The following QPCT variants were observed in gnomAD, a reference collection of about 807,000 sequenced individuals.
The protein encoded by QPCT is EC.
A neutral mutation model predicts 43.4 loss-of-function variants in QPCT; 44 were observed. That is an observed-to-expected ratio of 1.01 (90% CI 0.80 to 1.30). The LOEUF (loss-of-function observed/expected upper bound fraction) is 1.30, where lower values mean the gene tolerates loss of function less well. Among genes scored for constraint, QPCT ranks in the 50% most tolerant of loss-of-function variants. The pLI is 0.00. For missense variants in QPCT, 526 were observed against 436.5 expected (o/e 1.21, Z -1.83); for synonymous variants, 168 against 168.4 (o/e 1.00, Z 0.02).
At chr2:37,370,783 G>A (rs1673056505) in intron 5 of QPCT, among the ~76,000 whole-genome samples, 1 of 152,094 alleles carries the variant, frequency 6.6e-6, no homozygotes, top group Non-Finnish European at 1.5e-5. Context: ...AGAAAGAAAA[G>A]GAGAATAACT....
chr2:37,372,557 A>C, intron 6 of QPCT, 85 bp downstream of exon 6: 3 of 1,466,016 alleles, frequency 2.0e-6, no homozygotes, highest in East Asian at 2.3e-5. Flanking sequence ...GAGAAAGTAC[A>C]CAGATGATGA....
intron 1 of QPCT, among the ~76,000 whole-genome samples, chr2:37,346,337 C>G (rs1444722577): frequency 6.6e-6 from 1 of 152,170 alleles, no homozygotes; most frequent in Non-Finnish European, 1.5e-5. Context: ...CGTGGAATGA[C>G]ACACAAAAAA....
chr2:37,369,256 T>C (rs181634016), intron 4 of QPCT, among the ~76,000 whole-genome samples: 2 of 152,348 alleles, frequency 1.3e-5, no homozygotes, highest in East Asian at 3.9e-4. Flanking sequence ...GATCAATAAA[T>C]AGTTACTGTC....
chr2:37,352,541 G>C (rs1250460176), intron 1 of QPCT, among the ~76,000 whole-genome samples: 1 of 151,988 alleles, frequency 6.6e-6, no homozygotes, highest in Non-Finnish European at 1.5e-5. Context: ...TATGTTGCCA[G>C]GGCTGGTCTC....
chr2:37,349,793 G>C (rs1161526444), intron 1 of QPCT, among the ~76,000 whole-genome samples: 2 of 151,364 alleles, frequency 1.3e-5, no homozygotes, highest in Non-Finnish European at 2.9e-5. Flanking sequence ...CTTTATGCTT[G>C]CTTGTGCATT....
intron 2 of QPCT, among the ~76,000 whole-genome samples, chr2:37,357,305 A>T (rs1572732146): frequency 5.7e-5 from 8 of 140,930 alleles, no homozygotes; most frequent in African/African-American, 2.8e-5. Flanking sequence ...TAAATGACCC[A>T]TTTTGTGGAA....
intron 1 of QPCT, among the ~76,000 whole-genome samples, chr2:37,345,335 A>G (rs866290298): frequency 4.6e-5 from 7 of 152,246 alleles, no homozygotes; most frequent in African/African-American, 7.2e-5. Flanking sequence ...CAGTCTCAGG[A>G]CGGATGTGTG....
chr2:37,360,979 T>C (rs1672849015), intron 3 of QPCT, among the ~76,000 whole-genome samples: 1 of 152,216 alleles, frequency 6.6e-6, no homozygotes, highest in Non-Finnish European at 1.5e-5. Flanking sequence ...TTTCTCTGAG[T>C]GAACTCCTTT....
chr2:37,346,486 A>G (rs1197842523), intron 1 of QPCT, among the ~76,000 whole-genome samples: 1 of 152,218 alleles, frequency 6.6e-6, no homozygotes, highest in Non-Finnish European at 1.5e-5. Flanking sequence ...TGGAAACTGA[A>G]CAAACCACTC....
chr2:37,351,617 C>T (rs886800243), intron 1 of QPCT, among the ~76,000 whole-genome samples: 5 of 152,148 alleles, frequency 3.3e-5, no homozygotes. Context: ...TGCGGTGGCT[C>T]ATGCCTGTAA....
At chr2:37,347,482 C>A (rs1431144733) in intron 1 of QPCT, among the ~76,000 whole-genome samples, 1 of 151,654 alleles carries the variant, frequency 6.6e-6, no homozygotes, top group Non-Finnish European at 1.5e-5. Flanking sequence ...AAGTGTGGGG[C>A]TAGCAGGGAA....
chr2:37,353,888 A>C (rs1195890514), intron 2 of QPCT, among the ~76,000 whole-genome samples: 2 of 152,142 alleles, frequency 1.3e-5, no homozygotes, highest in Non-Finnish European at 2.9e-5. Flanking sequence ...TTTCGATTTC[A>C]GAGTCTCGCT....
intron 2 of QPCT, among the ~76,000 whole-genome samples, chr2:37,353,888 A>G (rs1195890514): frequency 6.6e-6 from 1 of 152,142 alleles, no homozygotes; most frequent in Non-Finnish European, 1.5e-5. Context: ...TTTCGATTTC[A>G]GAGTCTCGCT....
At position 37,372,453 on chromosome 2, in the gene QPCT, T is replaced by C. The variant is rs116625184; in HGVS notation, c.921T>C (p.His307=). ...ATGGAGGTGTGATTCAGGATGACCA[T>C]ATTCCATTTTTAAGAAGAGGTAATG... ...YSYGGVIQDD[H]IPFLRRGVPV... is the part of the protein sequence containing the mutation. Residue 307 remains histidine (H), a synonymous_variant, in exon 6 of 7, where the codon CAT becomes CAC. Coordinates refer to ENST00000338415, the MANE Select transcript of QPCT (RefSeq NM_012413.4). 58 of 1,613,178 alleles carry C rather than the reference T, an allele frequency of 3.6e-5. No individual in the cohort carries two copies. In the East Asian group the frequency reaches 1.1e-3, roughly 30 times the overall value.
chr2:37,359,555 T>A (rs934923886), intron 2 of QPCT, 25 bp from the exon 3 acceptor site: 1 of 1,578,598 alleles, frequency 6.3e-7, no homozygotes, highest in Non-Finnish European at 8.6e-7. Flanking sequence ...TAGATCTAAA[T>A]TTTTTGTTTT....
chr2:37,345,783 C>A (rs1672474607), intron 1 of QPCT, among the ~76,000 whole-genome samples: 1 of 150,548 alleles, frequency 6.6e-6, no homozygotes, highest in Admixed American at 6.6e-5. Context: ...TTGCAGTAAG[C>A]CGAGATCGCG....
intron 1 of QPCT, among the ~76,000 whole-genome samples, chr2:37,348,014 A>G (rs1672540158): frequency 6.6e-6 from 1 of 150,836 alleles, no homozygotes; most frequent in South Asian, 2.1e-4. Context: ...AATGGCTATT[A>G]ACCATTTTGG....
chr2:37,365,901 G>T (rs72792854), intron 3 of QPCT, among the ~76,000 whole-genome samples: 1 of 152,164 alleles, frequency 6.6e-6, no homozygotes, highest in Non-Finnish European at 1.5e-5. Flanking sequence ...TGAGGTTTGT[G>T]GTCATGAACT....
chr2:37,369,789 G>A lies in QPCT; in HGVS notation c.823+5G>A. 1 of 1,547,150 alleles carries A rather than the reference G, an allele frequency of 6.5e-7. No individual in the cohort carries two copies. Among genetic ancestry groups the A allele is most frequent in the Non-Finnish European group, 8.9e-7 (1 of 1,119,156 alleles). On this transcript the variant is annotated splice_donor_5th_base_variant and intron_variant, in intron 5 of 6. Transcript: ENST00000338415. Reference sequence around the variant, plus strand: ...TCGAAAGACTTCAAGCAATTGGTAAGCACCACTGTTATTAATGAATAAAAC... The same window carrying A: ...TCGAAAGACTTCAAGCAATTGGTAAACACCACTGTTATTAATGAATAAAAC...
Sources: allele counts gnomAD v4.1 joint callset (sites outside exome capture counted in the v4.1 genomes callset), GRCh38; gene constraint gnomAD v4.1.1; transcripts MANE v1.5; gene names NCBI Gene and HGNC (gene_info 2026-07-23, HGNC 2026-07-21).